The following ACSS2 variants were observed in gnomAD, a reference collection of about 807,000 sequenced individuals.
ACSS2 encodes the protein acetyl-coenzyme A synthetase, cytoplasmic.
Under a neutral mutation model 90.6 loss-of-function variants are expected in ACSS2, and 58 were observed. The observed-to-expected ratio is 0.64, with a 90% CI of 0.52 to 0.80. ACSS2 has a LOEUF of 0.80. Ranked by LOEUF, ACSS2 falls within the 30% of genes least tolerant of loss-of-function variation. The pLI, the probability that ACSS2 is intolerant of heterozygous loss-of-function variation, is 0.00. For synonymous variants in ACSS2, 300 were observed against 330.9 expected, an observed-to-expected ratio of 0.91 and a Z score of 1.01; for missense variants, 759 against 912.0, an observed-to-expected ratio of 0.83 and a Z score of 2.16.
intron 1 of ACSS2, among the ~76,000 whole-genome samples, chr20:34,877,909 CAGATAGAT>C (rs71196766): frequency 8.8e-4 from 129 of 146,630 alleles, no homozygotes; most frequent in African/African-American, 2.0e-3. Flanking sequence ...GATAGATAGA[CAGATAGAT>C]AGATAGATAG....
chr20:34,913,509 G>T lies in ACSS2; in HGVS notation c.570+13G>T. 1 of 1,609,794 alleles carries T rather than the reference G, an allele frequency of 6.2e-7. No individual in the cohort carries two copies. Reference sequence around the variant, plus strand: ...GCACTCCATTGTGGTAGGAGTTTGGGCTGGTGAAAAGGGGCAGGCGGGGGG... The same window carrying T: ...GCACTCCATTGTGGTAGGAGTTTGGTCTGGTGAAAAGGGGCAGGCGGGGGG... On this transcript the variant is annotated intron_variant, in intron 4 of 17. Coordinates refer to ENST00000360596, the MANE Select transcript of ACSS2 (RefSeq NM_018677.4).
chr20:34,899,257 C>A (rs951064633), intron 2 of ACSS2, among the ~76,000 whole-genome samples: 4 of 152,212 alleles, frequency 2.6e-5, no homozygotes, highest in Non-Finnish European at 4.4e-5. Context: ...TCCCACAGTG[C>A]AGCGGTGGGC....
In ACSS2 at chr20:34,913,127, A is replaced by G. The variant is rs374812849; in HGVS notation, c.406A>G (p.Ile136Val). The G allele has an allele frequency of 1.2e-6, 2 of 1,614,160 alleles. No individual in the cohort carries two copies. Among genetic ancestry groups the G allele is most frequent in the East Asian group, 2.2e-5 (1 of 44,884 alleles). Residue 136 changes from isoleucine (I) to valine (V), a missense_variant, in exon 3 of 18, where the codon ATC (isoleucine) becomes GTC (valine). Transcript: ENST00000360596. Reference sequence around the variant, plus strand: ...CAATGAGCCAGGGGAGACCACTCAGATCACATACCATCAGCTTCTGGTCCA... The same window carrying G: ...CAATGAGCCAGGGGAGACCACTCAGGTCACATACCATCAGCTTCTGGTCCA... ...EGNEPGETTQ[I>V]TYHQLLVQVC...
intron 6 of ACSS2, 52 bp downstream of exon 6, chr20:34,914,223 G>A: frequency 1.2e-6 from 2 of 1,610,762 alleles, no homozygotes; most frequent in Non-Finnish European, 1.7e-6. Flanking sequence ...CCCAGTGCCA[G>A]GTTCCCTTTG....
rs771306432 is a variant in ACSS2, at chr20:34,923,383, G to A, written c.1609G>A (p.Glu537Lys). 3.1e-6 allele frequency: 5 copies of A among 1,614,196 alleles called. No homozygotes were observed. The South Asian group carries it at 5.5e-5, about 18-fold the overall frequency. Reference sequence around the variant, plus strand: ...AGTCTATGGGAACCACGAACGCTTTGAGACAACCTACTTTAAGAAGTTTCC... The same window carrying A: ...AGTCTATGGGAACCACGAACGCTTTAAGACAACCTACTTTAAGAAGTTTCC... ...RTVYGNHERF[E>K]TTYFKKFPGY... is the part of the protein sequence containing the mutation. Residue 537 changes from glutamate (E) to lysine (K), a missense_variant, in exon 14 of 18, where the codon GAG becomes AAG. Transcript: ENST00000360596.
At chr20:34,921,992 G>C (rs979242501) in intron 13 of ACSS2, 126 bp downstream of exon 13, 3 of 1,488,160 alleles carry the variant, frequency 2.0e-6, no homozygotes, top group African/African-American at 1.4e-5. Context: ...CATGGTTGGA[G>C]GTTTGCTCAC....
intron 2 of ACSS2, among the ~76,000 whole-genome samples, chr20:34,909,181 G>C (rs2080884941): frequency 7.8e-6 from 1 of 127,444 alleles, no homozygotes; most frequent in South Asian, 2.8e-4. Context: ...AACATAGTAG[G>C]ATCCTGTCTT....
rs1365308488 is a variant in ACSS2 at position 34,920,641 on chromosome 20, A to G, written c.1075A>G (p.Ile359Val). ...GGATGTGTTCTGGTGCACGGCAGAC[A>G]TTGGTTGGATCACTGGTCATTCCTA... ...AEDVFWCTAD[I>V]GWITGHSYVT... The change falls in exon 9 of 18, where the codon ATT becomes GTT. Residue 359 changes from isoleucine (I) to valine (V), a missense_variant. Ile to Val is a conservative substitution (Grantham distance 29). Coordinates refer to ENST00000360596, the MANE Select transcript of ACSS2 (RefSeq NM_018677.4). The G allele has an allele frequency of 3.1e-6, 5 of 1,614,138 alleles. No homozygotes were observed. The East Asian group carries it at 1.1e-4, about 36-fold the overall frequency.
intron 5 of ACSS2, 56 bp downstream of exon 5, chr20:34,913,881 C>G (rs890790993): frequency 6.4e-7 from 1 of 1,555,162 alleles, no homozygotes; most frequent in Non-Finnish European, 8.9e-7. Context: ...GCCTTGGTCT[C>G]CAATCAGCTC....
upstream of ACSS2, chr20:34,875,731 TCTGA>T (rs2079892618): frequency 6.5e-6 from 1 of 153,536 alleles, no homozygotes; most frequent in Admixed American, 6.5e-5. Context: ...TTATTTGCTC[TCTGA>T]CTGTGCACCA....
intron 2 of ACSS2, among the ~76,000 whole-genome samples, chr20:34,902,126 C>T (rs1032815753): frequency 2.0e-5 from 3 of 151,930 alleles, no homozygotes; most frequent in Non-Finnish European, 4.4e-5. Context: ...CCTTTAGATT[C>T]ATGCATTCAT....
chr20:34,926,007 C>T, intron 15 of ACSS2, 98 bp from the exon 16 acceptor site: 1 of 1,323,480 alleles, frequency 7.6e-7, no homozygotes, highest in Non-Finnish European at 1.1e-6. Flanking sequence ...GGGTCTTCTC[C>T]ATTTGGCCAG....
chr20:34,926,041 GA>G, intron 15 of ACSS2, 63 bp from the exon 16 acceptor site: 1 of 1,555,102 alleles, frequency 6.4e-7, no homozygotes, highest in Non-Finnish European at 8.9e-7. Context: ...CATGGGTACA[GA>G]TGGAGCATGG....
At chr20:34,905,702 G>C (rs529603820) in intron 2 of ACSS2, among the ~76,000 whole-genome samples, 25 of 152,222 alleles carry the variant, frequency 1.6e-4, no homozygotes, top group Non-Finnish European at 2.4e-4. Flanking sequence ...GCCAGAGCAT[G>C]CATTTGCCAG....
chr20:34,881,413 T>C (rs989366981), intron 1 of ACSS2, among the ~76,000 whole-genome samples: 1 of 152,196 alleles, frequency 6.6e-6, no homozygotes. Context: ...GAGTACATTT[T>C]CTGCAGAATA....
At chr20:34,902,933 A>G (rs956995489) in intron 2 of ACSS2, among the ~76,000 whole-genome samples, 2 of 129,464 alleles carry the variant, frequency 1.5e-5, no homozygotes, top group Non-Finnish European at 1.6e-5. Flanking sequence ...GCATTTCGCT[A>G]TGTTGCCCAG....
In ACSS2 at chr20:34,909,004, A is replaced by G. The variant is rs144318428; in HGVS notation, c.375-4092A>G. On this transcript the variant is annotated intron_variant, in intron 2 of 17. Coordinates refer to ENST00000360596, the MANE Select transcript of ACSS2 (RefSeq NM_018677.4). The stretch of plus-strand genomic sequence containing the variant: ...GAAGCATTTATTTGTTAAATAAATT[A>G]CAGTACATACAAATAGTGGAATATT... The G allele has an allele frequency of 2.2e-3, 915 of 421,238 alleles. 12 individuals carry two copies. Among genetic ancestry groups the G allele is most frequent in the Middle Eastern group, 0.021 (55 of 2,670 alleles). The allele number at this position is 421,238 out of a possible 1,614,324, so 26.1% of individuals were successfully genotyped here.
chr20:34,886,297 A>G (rs1030765255), intron 2 of ACSS2, among the ~76,000 whole-genome samples: 1 of 152,084 alleles, frequency 6.6e-6, no homozygotes, highest in African/African-American at 2.4e-5. Context: ...CCTTTTATGT[A>G]CGGATTTTTA....
At chr20:34,890,647 G>A (rs972248790) in intron 2 of ACSS2, among the ~76,000 whole-genome samples, 2 of 152,116 alleles carry the variant, frequency 1.3e-5, no homozygotes, top group Non-Finnish European at 2.9e-5. Flanking sequence ...CAACACATTT[G>A]GTATCGTTGA....
Sources: allele counts gnomAD v4.1 joint callset (sites outside exome capture counted in the v4.1 genomes callset), GRCh38; gene constraint gnomAD v4.1.1; transcripts MANE v1.5; gene names NCBI Gene and HGNC (gene_info 2026-07-23, HGNC 2026-07-21).